L3HYPDH: variants seen among roughly 807,000 people sequenced by gnomAD.
L3HYPDH encodes trans-L-3-hydroxyproline dehydratase.
In L3HYPDH, 32 loss-of-function variants were observed where a neutral mutation model predicts 26.5. That is an observed-to-expected ratio of 1.21 (90% CI 0.91 to 1.62). The LOEUF is 1.62. Among genes scored for constraint, L3HYPDH ranks in the 40% most tolerant of loss-of-function variants. The pLI, the probability that L3HYPDH is intolerant of heterozygous loss-of-function variation, is 0.00. For missense variants in L3HYPDH, 554 were observed against 476.4 expected, an observed-to-expected ratio of 1.16 and a Z score of -1.52; for synonymous variants, 215 against 196.6, an observed-to-expected ratio of 1.09 and a Z score of -0.78.
chr14:59,469,612 A>G (rs1889266403), downstream of L3HYPDH, among the ~76,000 whole-genome samples: 1 of 150,678 alleles, frequency 6.6e-6, no homozygotes, highest in Non-Finnish European at 1.5e-5. Context: ...AGAAGGGGAA[A>G]GGCATGATGG....
chr14:59,501,127 T>G, the L3HYPDH span: 1 of 1,009,972 alleles, frequency 9.9e-7, no homozygotes, highest in Non-Finnish European at 1.5e-6. Flanking sequence ...TATTTGAATT[T>G]ATTTGATGGT....
chr14:59,479,785 C>G (rs190952879), intron 1 of L3HYPDH, among the ~76,000 whole-genome samples: 2 of 152,080 alleles, frequency 1.3e-5, no homozygotes, highest in Admixed American at 1.3e-4. Context: ...TTTCTTCAGC[C>G]GTAATGTCAA....
At chr14:59,495,291 A>T in the L3HYPDH span, 1 of 1,291,228 alleles carries the variant, frequency 7.7e-7, no homozygotes, top group South Asian at 1.2e-5. Flanking sequence ...TATAGATTTT[A>T]TGGCGTTTGG....
chr14:59,497,225 C>CA, the L3HYPDH span, among the ~76,000 whole-genome samples: 2 of 151,880 alleles, frequency 1.3e-5, no homozygotes, highest in Non-Finnish European at 2.9e-5. Context: ...TAACTTACTG[C>CA]AAAAAAATAA....
intron 1 of L3HYPDH, among the ~76,000 whole-genome samples, chr14:59,467,128 G>A (rs1026052215): frequency 2.6e-5 from 4 of 152,116 alleles, no homozygotes; most frequent in African/African-American, 4.8e-5. Context: ...ATTACAGTGT[G>A]CTAAATATTG....
intron 4 of L3HYPDH, chr14:59,474,906 G>A (rs1480068426): frequency 6.1e-6 from 1 of 163,998 alleles, no homozygotes; most frequent in Non-Finnish European, 1.3e-5. Context: ...ACATGTTTCA[G>A]ATCACTATAT....
At chr14:59,474,614 A>G in intron 4 of L3HYPDH, 1 of 631,208 alleles carries the variant, frequency 1.6e-6, no homozygotes, top group Non-Finnish European at 2.8e-6. Flanking sequence ...TCAGAGACCC[A>G]CCTTCATGAC....
At chr14:59,467,784 C>G (rs566208538), downstream of L3HYPDH, among the ~76,000 whole-genome samples, 1 of 152,192 alleles carries the variant, frequency 6.6e-6, no homozygotes, top group Non-Finnish European at 1.5e-5. Context: ...GTCTTCAATA[C>G]TCTGTATCTC....
chr14:59,493,094 A>T, the L3HYPDH span, among the ~76,000 whole-genome samples: 1 of 151,866 alleles, frequency 6.6e-6, no homozygotes, highest in Non-Finnish European at 1.5e-5. Context: ...CACCACGCCC[A>T]GCCAAGGAGA....
chr14:59,499,926 T>C, the L3HYPDH span, among the ~76,000 whole-genome samples: 1 of 152,204 alleles, frequency 6.6e-6, no homozygotes, highest in Non-Finnish European at 1.5e-5. Flanking sequence ...TCTCTGTCTT[T>C]TGAGGTTGCC....
At chr14:59,494,721 A>G in the L3HYPDH span, among the ~76,000 whole-genome samples, 3 of 152,170 alleles carry the variant, frequency 2.0e-5, no homozygotes, top group African/African-American at 7.2e-5. Context: ...GTTACATACC[A>G]TCTTTTATGT....
chr14:59,502,167 T>A, the L3HYPDH span, among the ~76,000 whole-genome samples: 1 of 152,150 alleles, frequency 6.6e-6, no homozygotes, highest in Non-Finnish European at 1.5e-5. Context: ...ATAATTATAT[T>A]TATTATTGTT....
chr14:59,496,914 A>G, the L3HYPDH span, among the ~76,000 whole-genome samples: 2 of 151,912 alleles, frequency 1.3e-5, no homozygotes, highest in East Asian at 1.9e-4. Context: ...TTATTTATTT[A>G]CCTAAGCATT....
chr14:59,479,519 T>G (rs1889869644), intron 1 of L3HYPDH, among the ~76,000 whole-genome samples, 168 bp from the exon 2 acceptor site: 1 of 152,076 alleles, frequency 6.6e-6, no homozygotes, highest in Non-Finnish European at 1.5e-5. Context: ...ATCGAGTGAA[T>G]AATAGCTAGA....
chr14:59,501,686 C>A, the L3HYPDH span, among the ~76,000 whole-genome samples: 2 of 152,132 alleles, frequency 1.3e-5, no homozygotes, highest in Non-Finnish European at 2.9e-5. Flanking sequence ...CCATATCCTT[C>A]TGTGTTTTAT....
chr14:59,485,415 T>A, upstream of L3HYPDH: 1 of 297,782 alleles, frequency 3.4e-6, no homozygotes. Context: ...AGCGAAAATA[T>A]TAAACTGGAG....
At position 59,465,670 on chromosome 14, in the gene L3HYPDH, T is replaced by TG. The variant is rs113686847; in HGVS notation, n.31-4498dup. 4.7e-3 allele frequency among the ~76,000 whole-genome samples: 704 copies of TG among 150,882 alleles called. 6 individuals carry two copies. The highest frequency in any genetic ancestry group is 0.014 in the African/African-American group (556 of 41,044). ...TACAGGCAGGCCTTTTGGGGAGTGG[T>TG]GGGGGGGGCACTCTGCTTCCTGTGG... On this transcript the variant is annotated intron_variant and non_coding_transcript_variant, in intron 1 of 2. Coordinates refer to the L3HYPDH transcript ENST00000466522.
At chr14:59,500,733 CAGAGG>C in the L3HYPDH span, 1 of 152,596 alleles carries the variant, frequency 6.6e-6, no homozygotes, top group African/African-American at 2.4e-5. Context: ...TTCTAGAATG[CAGAGG>C]AGAGAAGTTA....
rs1426653326 is a variant in L3HYPDH at position 59,479,178 on chromosome 14, T to C, written c.678+4A>G. ...ATTGGTTATGAAGGCAGAGTATTAC[T>C]GACCTGAGCTTTCACTGCCTCTGTC... On this transcript the variant is annotated splice_donor_region_variant and intron_variant, in intron 2 of 4. Coordinates refer to ENST00000247194, the MANE Select transcript of L3HYPDH (RefSeq NM_144581.2). 5 of 1,599,378 alleles carry C rather than the reference T, an allele frequency of 3.1e-6. No individual in the cohort carries two copies. The highest frequency in any genetic ancestry group is 1.1e-5 in the South Asian group (1 of 88,054).
Sources: gnomAD v4.1 joint callset for allele counts (sites outside exome capture counted in the v4.1 genomes callset) on GRCh38, gnomAD v4.1.1 for gene constraint, MANE v1.5 for transcripts, NCBI Gene and HGNC (gene_info 2026-07-23, HGNC 2026-07-21) for gene names.